SLC24A3: variants seen among roughly 807,000 people sequenced by gnomAD.
SLC24A3 encodes sodium/potassium/calcium exchanger 3.
A neutral mutation model predicts 75.8 loss-of-function variants in SLC24A3; 28 were observed. The ratio of observed to expected loss-of-function variants is 0.37; its 90% confidence interval spans 0.27 to 0.51. The LOEUF is 0.51. Ranked by LOEUF, SLC24A3 falls within the 20% of genes least tolerant of loss-of-function variation. The probability of loss-of-function intolerance (pLI) is 0.94; values close to 1 mark genes in which losing one functional copy is unlikely to be tolerated. For missense variants in SLC24A3, 663 were observed against 847.8 expected (o/e 0.78, Z 2.71); for synonymous variants, 372 against 334.1 (o/e 1.11, Z -1.24).
At chr20:19,695,635 C>T (rs754724032) in intron 13 of SLC24A3, 15 of 152,188 alleles carry the variant, frequency 9.9e-5, no homozygotes, top group African/African-American at 3.4e-4. Flanking sequence ...TCATCGTACC[C>T]ATTAAGTAAT....
At chr20:19,368,590 C>T (rs1281243245) in intron 2 of SLC24A3, among the ~76,000 whole-genome samples, 1 of 152,234 alleles carries the variant, frequency 6.6e-6, no homozygotes, top group Non-Finnish European at 1.5e-5. Flanking sequence ...GCTTCTCCTT[C>T]CTGCATGCTC....
intron 3 of SLC24A3, among the ~76,000 whole-genome samples, chr20:19,517,024 A>G (rs1485967233): frequency 2.0e-5 from 3 of 152,204 alleles, no homozygotes; most frequent in Admixed American, 1.3e-4. Flanking sequence ...CCCACTCCCA[A>G]AAAAGGGAGC....
At chr20:19,487,262 G>A (rs1292841288) in intron 2 of SLC24A3, among the ~76,000 whole-genome samples, 2 of 152,134 alleles carry the variant, frequency 1.3e-5, no homozygotes, top group Non-Finnish European at 2.9e-5. Flanking sequence ...TCAGAGGCTG[G>A]AGACCCCATG....
intron 2 of SLC24A3, among the ~76,000 whole-genome samples, chr20:19,285,104 G>A (rs1341027521): frequency 1.3e-5 from 2 of 152,032 alleles, no homozygotes; most frequent in African/African-American, 4.8e-5. Context: ...CCCAGTTTTG[G>A]TGCCAGAGAA....
chr20:19,550,892 C>T (rs1166273856), intron 3 of SLC24A3, among the ~76,000 whole-genome samples: 1 of 152,092 alleles, frequency 6.6e-6, no homozygotes, highest in Non-Finnish European at 1.5e-5. Context: ...GAGGTGAGCA[C>T]GGTAAGTAAA....
intron 2 of SLC24A3, among the ~76,000 whole-genome samples, chr20:19,315,225 T>G (rs76784602): frequency 2.0e-5 from 3 of 152,162 alleles, no homozygotes; most frequent in African/African-American, 7.2e-5. Flanking sequence ...AGACCTGATT[T>G]CCCTCTTCTC....
intron 2 of SLC24A3, among the ~76,000 whole-genome samples, chr20:19,322,061 C>T (rs1323646016): frequency 6.6e-6 from 1 of 152,112 alleles, no homozygotes; most frequent in Non-Finnish European, 1.5e-5. Context: ...TGCATCACTT[C>T]AGGAGCCACA....
At chr20:19,427,531 G>T (rs1343615415) in intron 2 of SLC24A3, among the ~76,000 whole-genome samples, 2 of 152,202 alleles carry the variant, frequency 1.3e-5, no homozygotes, top group African/African-American at 4.8e-5. Flanking sequence ...GTGTTCCACT[G>T]GGGGCTGGGG....
At chr20:19,584,126 A>G (rs1441347368) in intron 4 of SLC24A3, among the ~76,000 whole-genome samples, 4 of 152,236 alleles carry the variant, frequency 2.6e-5, no homozygotes, top group African/African-American at 7.2e-5. Flanking sequence ...GACTGAATGC[A>G]GAAATGCAAA....
chr20:19,253,017 G>T (rs575634075), intron 1 of SLC24A3, among the ~76,000 whole-genome samples: 3 of 152,330 alleles, frequency 2.0e-5, no homozygotes, highest in African/African-American at 4.8e-5. Context: ...AACTTGTGGA[G>T]CAATTCTTGG....
intron 3 of SLC24A3, among the ~76,000 whole-genome samples, chr20:19,528,304 A>G (rs112923219): frequency 4.9e-4 from 74 of 152,304 alleles, no homozygotes; most frequent in African/African-American, 1.7e-3. Flanking sequence ...ACTGTCAGCC[A>G]TCAGCGCTCC....
intron 2 of SLC24A3, among the ~76,000 whole-genome samples, chr20:19,451,844 A>G (rs1039484220): frequency 1.3e-5 from 2 of 152,316 alleles, no homozygotes; most frequent in East Asian, 3.9e-4. Flanking sequence ...CAGGCCATCC[A>G]AAGGGAATCA....
At chr20:19,625,486 A>G (rs2031855615) in intron 6 of SLC24A3, among the ~76,000 whole-genome samples, 1 of 152,190 alleles carries the variant, frequency 6.6e-6, no homozygotes, top group Non-Finnish European at 1.5e-5. Flanking sequence ...GTTATATAAT[A>G]TACTATGATG....
intron 2 of SLC24A3, among the ~76,000 whole-genome samples, chr20:19,465,974 C>T (rs1436314340): frequency 6.6e-6 from 1 of 152,156 alleles, no homozygotes; most frequent in Non-Finnish European, 1.5e-5. Flanking sequence ...TGAGCCAGTC[C>T]TCTTTAGGTA....
At chr20:19,434,689 G>A (rs1446991126) in intron 2 of SLC24A3, among the ~76,000 whole-genome samples, 2 of 151,498 alleles carry the variant, frequency 1.3e-5, no homozygotes, top group Non-Finnish European at 2.9e-5. Flanking sequence ...TTTGTTCTTG[G>A]CTAATTACAA....
At chr20:19,481,678 A>G (rs6112406) in intron 2 of SLC24A3, among the ~76,000 whole-genome samples, 104,092 of 151,794 alleles carry the variant, frequency 0.69, 37,061 homozygotes, top group African/African-American at 0.89. Flanking sequence ...CAGCTGGGGA[A>G]AGTGTCCAGG....
At chr20:19,582,689 C>A (rs114655427) in intron 4 of SLC24A3, among the ~76,000 whole-genome samples, 77 of 152,294 alleles carry the variant, frequency 5.1e-4, no homozygotes, top group African/African-American at 1.7e-3. Context: ...GATACCATTG[C>A]AGAACGTGCA....
intron 12 of SLC24A3, among the ~76,000 whole-genome samples, chr20:19,689,595 A>T (rs1255748842): frequency 6.6e-6 from 1 of 152,226 alleles, no homozygotes; most frequent in Non-Finnish European, 1.5e-5. Flanking sequence ...TATTTATTAA[A>T]TGAATGAATG....
At chr20:19,535,168 T>A (rs951791408) in intron 3 of SLC24A3, among the ~76,000 whole-genome samples, 2 of 152,190 alleles carry the variant, frequency 1.3e-5, no homozygotes, top group Non-Finnish European at 2.9e-5. Context: ...CTCAAAGGAG[T>A]GATATTGTAT....
Sources: gnomAD v4.1 joint callset for allele counts (sites outside exome capture counted in the v4.1 genomes callset) on GRCh38, gnomAD v4.1.1 for gene constraint, MANE v1.5 for transcripts, NCBI Gene and HGNC (gene_info 2026-07-23, HGNC 2026-07-21) for gene names.